The following EFHC2 variants were observed in gnomAD, a reference collection of about 807,000 sequenced individuals.
EFHC2 encodes EF-hand domain-containing family member C2.
In EFHC2, 18 loss-of-function variants were observed where a neutral mutation model predicts 52.7. The observed-to-expected ratio is 0.34, with a 90% CI of 0.24 to 0.51. The LOEUF (loss-of-function observed/expected upper bound fraction) is 0.51, where lower values mean the gene tolerates loss of function less well. Among genes scored for constraint, EFHC2 ranks in the 20% least tolerant of loss-of-function variants. The pLI, the probability that EFHC2 is intolerant of heterozygous loss-of-function variation, is 0.97. For missense variants in EFHC2, 513 were observed against 562.5 expected, an observed-to-expected ratio of 0.91 and a Z score of 0.89; for synonymous variants, 203 against 204.1, an observed-to-expected ratio of 0.99 and a Z score of 0.04.
intron 14 of EFHC2, among the ~76,000 whole-genome samples, chrX:44,163,649 T>C (rs1449038847): frequency 8.9e-6 from 1 of 111,789 alleles, no homozygotes; most frequent in East Asian, 2.8e-4. Flanking sequence ...TATTTATAAC[T>C]GTAACCTATT....
At chrX:44,200,235 C>G (rs1255185745) in intron 11 of EFHC2, among the ~76,000 whole-genome samples, 1 of 110,875 alleles carries the variant, frequency 9.0e-6, no homozygotes, top group Non-Finnish European at 1.9e-5. Flanking sequence ...AATGGTCAAC[C>G]CAAGCAACAA....
intron 1 of EFHC2, among the ~76,000 whole-genome samples, chrX:44,327,841 CCT>C (rs1324462703): frequency 4.5e-5 from 5 of 112,006 alleles, no homozygotes; most frequent in Non-Finnish European, 7.5e-5. Flanking sequence ...AAGCTAATTT[CCT>C]CTCTTTCTAA....
At chrX:44,332,641 A>C (rs143054534) in intron 1 of EFHC2, among the ~76,000 whole-genome samples, 99 of 111,650 alleles carry the variant, frequency 8.9e-4, no homozygotes, top group African/African-American at 2.8e-3. Context: ...TACCATTAGC[A>C]TAGCCGGAAT....
At position 44,219,178 on chromosome X, in the gene EFHC2, A is replaced by T. The variant is rs1356428486; in HGVS notation, c.1751+10471T>A. 2.8e-5 allele frequency among the ~76,000 whole-genome samples: 3 copies of T among 108,378 alleles called. No individual in the cohort carries two copies. In the Admixed American group the frequency reaches 3.0e-4, roughly 11 times the overall value. The allele number at this position is 108,378 out of a possible 115,157, so 94.1% of individuals were successfully genotyped here. A position where few individuals can be genotyped will look rare whatever the true frequency, so the allele number is the denominator to read the frequency against. On this transcript the variant is annotated intron_variant, in intron 11 of 14. Coordinates refer to ENST00000420999, the MANE Select transcript of EFHC2 (RefSeq NM_025184.4). The stretch of plus-strand genomic sequence containing the variant: ...AAAAAAAAGCACCTAAAGTGAAAAA[A>T]ATATATATCAGAACAGTAGTTACCT...
At chrX:44,289,705 A>G (rs1253697341) in intron 2 of EFHC2, among the ~76,000 whole-genome samples, 1 of 83,310 alleles carries the variant, frequency 1.2e-5, no homozygotes, top group Non-Finnish European at 2.2e-5. Flanking sequence ...TTTTTGAGAC[A>G]GAGACTCACT....
chrX:44,209,019 CTGTGTGTGTGTGTGTGTGTGTGTGTG>C (rs753101565), intron 11 of EFHC2, among the ~76,000 whole-genome samples: 6,792 of 69,942 alleles, frequency 0.097, 565 homozygotes, highest in African/African-American at 0.24. Context: ...GATTGGCAAT[CTGTGTGTGTGTGTGTGTGTGTGTGTG>C]TGTGTGTGTG....
intron 2 of EFHC2, among the ~76,000 whole-genome samples, chrX:44,277,152 G>A (rs771917364): frequency 2.8e-5 from 3 of 108,972 alleles, no homozygotes; most frequent in African/African-American, 6.7e-5. Flanking sequence ...CCAGCTACTC[G>A]GGAGGGTGAG....
chrX:44,341,605 C>T (rs749321727), intron 1 of EFHC2, among the ~76,000 whole-genome samples: 4 of 111,681 alleles, frequency 3.6e-5, no homozygotes, highest in Admixed American at 9.5e-5. Flanking sequence ...TGTGCCACCA[C>T]GCTTGGCTAA....
chrX:44,286,927 G>A (rs1365231340), intron 2 of EFHC2, among the ~76,000 whole-genome samples: 2 of 102,642 alleles, frequency 1.9e-5, no homozygotes, highest in Non-Finnish European at 3.9e-5. Context: ...TTGGGAGGCT[G>A]AGGTGGGAGG....
Position 44,261,268 on chromosome X carries a change from A to G in EFHC2, c.413T>C (p.Leu138Pro), listed in dbSNP as rs1326192504. 1.7e-6 allele frequency: 2 copies of G among 1,196,828 alleles called. No individual in the cohort carries two copies. Among genetic ancestry groups the G allele is most frequent in the East Asian group, 6.0e-5 (2 of 33,567 alleles). Residue 138 changes from leucine (L) to proline (P), a missense_variant, in exon 4 of 15, where the codon CTT (leucine) becomes CCT (proline). Physicochemically the swap from Leu to Pro is moderately conservative, Grantham distance 98 (BLOSUM62 -3). Transcript: ENST00000420999. ...AAACTGATCCTCATCAGGAGGCGGA[A>G]GAGTAATCCGATGACGCCGGATAGA... ...GTSIRRHRIT[L>P]PPPDEDQFYT...
intron 2 of EFHC2, among the ~76,000 whole-genome samples, chrX:44,299,125 C>T (rs1039717212): frequency 9.1e-6 from 1 of 110,306 alleles, no homozygotes; most frequent in Non-Finnish European, 1.9e-5. Context: ...ATAAAGTTTG[C>T]GGTTTAGTTA....
chrX:44,284,773 C>T, intron 2 of EFHC2: 1 of 111,999 alleles, frequency 8.9e-6, no homozygotes, highest in Non-Finnish European at 1.9e-5. Flanking sequence ...ATGTAATAAT[C>T]CAAAAGCGAC....
At chrX:44,274,865 C>A (rs1244699037) in intron 2 of EFHC2, among the ~76,000 whole-genome samples, 1 of 111,152 alleles carries the variant, frequency 9.0e-6, no homozygotes, top group African/African-American at 3.3e-5. Flanking sequence ...GCACTCCAGC[C>A]TGGGTGAGAG....
intron 7 of EFHC2, among the ~76,000 whole-genome samples, chrX:44,246,797 C>G (rs2037404441): frequency 8.9e-6 from 1 of 111,920 alleles, no homozygotes; most frequent in Non-Finnish European, 1.9e-5. Flanking sequence ...AAACATCAAC[C>G]AAAAGTTAGA....
chrX:44,310,069 T>C (rs2037935338), intron 2 of EFHC2: 1 of 770,079 alleles, frequency 1.3e-6, no homozygotes, highest in Non-Finnish European at 2.0e-6. Context: ...ATGCCATCAC[T>C]TGCTGCAAAG....
intron 1 of EFHC2, among the ~76,000 whole-genome samples, chrX:44,330,917 C>T (rs1170130688): frequency 1.8e-5 from 2 of 111,931 alleles, no homozygotes; most frequent in Non-Finnish European, 3.8e-5. Context: ...GAAACTAGAT[C>T]ACTCATATAT....
chrX:44,270,841 A>G (rs1380864230), intron 3 of EFHC2, among the ~76,000 whole-genome samples: 2 of 110,504 alleles, frequency 1.8e-5, no homozygotes, highest in Non-Finnish European at 3.8e-5. Context: ...CATCTCCCCA[A>G]CAGAGCAAGT....
At chrX:44,184,458 C>G (rs1401878262) in intron 11 of EFHC2, among the ~76,000 whole-genome samples, 1 of 111,629 alleles carries the variant, frequency 9.0e-6, no homozygotes, top group African/African-American at 3.3e-5. Context: ...CGTGGTGGCT[C>G]ACACTTGTAA....
chrX:44,210,739 G>A (rs1196541016), intron 11 of EFHC2, among the ~76,000 whole-genome samples: 1 of 112,382 alleles, frequency 8.9e-6, no homozygotes, highest in Non-Finnish European at 1.9e-5. Context: ...AAATACAGTA[G>A]AAAAGAAACC....
Sources: gnomAD v4.1 joint callset for allele counts (sites outside exome capture counted in the v4.1 genomes callset) on GRCh38, gnomAD v4.1.1 for gene constraint, MANE v1.5 for transcripts, NCBI Gene and HGNC (gene_info 2026-07-23, HGNC 2026-07-21) for gene names.